DPP10: variants seen among roughly 807,000 people sequenced by gnomAD.
The protein encoded by DPP10 is inactive dipeptidyl peptidase 10.
DPP10 carries 33 observed loss-of-function variants against 120.9 expected under a neutral mutation model. That is an observed-to-expected ratio of 0.27 (90% CI 0.21 to 0.37). The LOEUF (loss-of-function observed/expected upper bound fraction) is 0.37. DPP10 is among the 10% of genes least tolerant of loss of function. DPP10 has a pLI of 1.00. For synonymous variants in DPP10, 337 were observed against 326.1 expected (o/e 1.03, Z -0.36); for missense variants, 816 against 942.8 (o/e 0.87, Z 1.76).
At chr2:114,590,243 C>G (rs114118787) in intron 1 of DPP10, among the ~76,000 whole-genome samples, 1,759 of 152,184 alleles carry the variant, frequency 0.012, 38 homozygotes, top group African/African-American at 0.04. Flanking sequence ...AATCTTATAT[C>G]TGTAGCCAAC....
intron 5 of DPP10, among the ~76,000 whole-genome samples, chr2:115,573,581 CTTTTT>C (rs767336910): frequency 0.084 from 5,906 of 70,068 alleles, 54 homozygotes; most frequent in African/African-American, 0.1. Context: ...TGCGCCCGGC[CTTTTT>C]TTTTTTTTTT....
chr2:114,921,899 C>A (rs1393201872), intron 1 of DPP10, among the ~76,000 whole-genome samples: 1 of 152,192 alleles, frequency 6.6e-6, no homozygotes, highest in Non-Finnish European at 1.5e-5. Context: ...ACACAGCAGC[C>A]TTTTCCCTTG....
chr2:114,756,668 G>T (rs1278044569), intron 1 of DPP10, among the ~76,000 whole-genome samples: 2 of 152,144 alleles, frequency 1.3e-5, no homozygotes, highest in Non-Finnish European at 2.9e-5. Context: ...AGAAGAGCAT[G>T]GGACGTACAT....
chr2:114,738,290 A>G (rs531213906), intron 1 of DPP10, among the ~76,000 whole-genome samples: 117 of 152,306 alleles, frequency 7.7e-4, no homozygotes, highest in African/African-American at 2.6e-3. Context: ...GCATATGGTA[A>G]GAACAAAACC....
At chr2:115,438,042 AAAATG>A (rs1466923026) in intron 3 of DPP10, among the ~76,000 whole-genome samples, 1 of 152,116 alleles carries the variant, frequency 6.6e-6, no homozygotes, top group African/African-American at 2.4e-5. Context: ...CAAGCTGAAA[AAAATG>A]AGAGATGGGC....
chr2:115,794,892 G>A (rs551607539), intron 19 of DPP10, among the ~76,000 whole-genome samples: 10 of 151,928 alleles, frequency 6.6e-5, no homozygotes, highest in South Asian at 2.1e-4. Flanking sequence ...TACCATACAC[G>A]TCTACCACAT....
chr2:115,620,060 T>C (rs6736886), intron 5 of DPP10, among the ~76,000 whole-genome samples: 29,215 of 152,112 alleles, frequency 0.19, 3,551 homozygotes, highest in African/African-American at 0.33. Context: ...CTGATTGGCA[T>C]TGCTCACTGC....
At chr2:115,175,131 A>G (rs1326229739) in intron 1 of DPP10, among the ~76,000 whole-genome samples, 2 of 152,220 alleles carry the variant, frequency 1.3e-5, no homozygotes, top group Non-Finnish European at 2.9e-5. Flanking sequence ...AACTACCAAC[A>G]TGGTGTGATT....
intron 1 of DPP10, among the ~76,000 whole-genome samples, chr2:115,241,709 G>A (rs2058289764): frequency 6.6e-6 from 1 of 152,056 alleles, no homozygotes. Context: ...ATGGATTTTG[G>A]CTTTATGTAA....
At chr2:115,542,577 A>G (rs575297000) in intron 5 of DPP10, among the ~76,000 whole-genome samples, 9 of 152,036 alleles carry the variant, frequency 5.9e-5, no homozygotes, top group Non-Finnish European at 8.8e-5. Context: ...ATTCTTGTGC[A>G]TATTTGTGGG....
intron 1 of DPP10, among the ~76,000 whole-genome samples, chr2:115,264,099 T>G (rs2105769725): frequency 6.6e-6 from 1 of 152,312 alleles, no homozygotes; most frequent in Admixed American, 6.5e-5. Flanking sequence ...AAACTTAAAC[T>G]TTTGAGGCTT....
chr2:114,957,739 T>C (rs1325913757), intron 1 of DPP10, among the ~76,000 whole-genome samples: 1 of 152,204 alleles, frequency 6.6e-6, no homozygotes, highest in Non-Finnish European at 1.5e-5. Flanking sequence ...GTAGTGTACA[T>C]ATATCAATTA....
At position 115,477,486 on chromosome 2, in the gene DPP10, G is replaced by A. The variant is rs574374893; in HGVS notation, c.272-22024G>A. Among the ~76,000 whole-genome samples the A allele has an allele frequency of 4.6e-5, 7 of 152,072 alleles. No homozygotes were observed. The South Asian group carries it at 1.0e-3, about 23-fold the overall frequency. On this transcript the variant is annotated intron_variant, in intron 3 of 25. Coordinates refer to ENST00000410059, the MANE Select transcript of DPP10 (RefSeq NM_020868.6). ...AGTCTTGCATACAAAAAGCTACAAA[G>A]CATTCCTGGAAAAAAAAGATATATA... is the stretch of plus-strand genomic sequence containing the variant.
intron 4 of DPP10, among the ~76,000 whole-genome samples, chr2:115,507,842 G>C (rs540113574): frequency 6.6e-6 from 1 of 152,240 alleles, no homozygotes; most frequent in African/African-American, 2.4e-5. Context: ...TATTGCAGTG[G>C]TACAAGTAGG....
chr2:114,703,684 C>T (rs373546246), intron 1 of DPP10, among the ~76,000 whole-genome samples: 19 of 152,140 alleles, frequency 1.2e-4, no homozygotes, highest in African/African-American at 4.3e-4. Flanking sequence ...ATATCAGGCA[C>T]GATAAGTATA....
intron 1 of DPP10, among the ~76,000 whole-genome samples, chr2:114,483,224 T>C (rs1469398670): frequency 6.6e-6 from 1 of 152,142 alleles, no homozygotes; most frequent in East Asian, 1.9e-4. Flanking sequence ...CAGTTTACTT[T>C]TTTTTTTCTC....
intron 2 of DPP10, among the ~76,000 whole-genome samples, chr2:115,334,359 G>A (rs183292180): frequency 6.6e-6 from 1 of 151,088 alleles, no homozygotes; most frequent in Admixed American, 6.7e-5. Context: ...TGATTCCCTG[G>A]AACTGTAAAA....
intron 1 of DPP10, among the ~76,000 whole-genome samples, chr2:114,748,264 T>C (rs1267704793): frequency 2.0e-5 from 3 of 151,516 alleles, no homozygotes; most frequent in Admixed American, 1.3e-4. Context: ...GCAGGCTGCA[T>C]TTCCCTTTAT....
At chr2:115,679,279 A>T (rs1313712547) in intron 5 of DPP10, among the ~76,000 whole-genome samples, 1 of 152,042 alleles carries the variant, frequency 6.6e-6, no homozygotes. Context: ...CATAATCCCT[A>T]CATGTCATAG....
Sources: gnomAD v4.1 joint callset for allele counts (sites outside exome capture counted in the v4.1 genomes callset) on GRCh38, gnomAD v4.1.1 for gene constraint, MANE v1.5 for transcripts, NCBI Gene and HGNC (gene_info 2026-07-23, HGNC 2026-07-21) for gene names.